Variants in CLDN16 observed in about 807,000 individuals in gnomAD.
CLDN16 encodes the protein claudin 16.
Under a neutral mutation model 24.6 loss-of-function variants are expected in CLDN16, and 13 were observed. The ratio of observed to expected loss-of-function variants is 0.53; its 90% confidence interval spans 0.34 to 0.84. CLDN16 has a LOEUF of 0.84. Among genes scored for constraint, CLDN16 ranks in the 40% least tolerant of loss-of-function variants. The probability of loss-of-function intolerance (pLI) is 0.01; values close to 1 mark genes in which losing one functional copy is unlikely to be tolerated. For synonymous variants in CLDN16, 116 were observed against 106.7 expected (o/e 1.09, Z -0.54); for missense variants, 298 against 292.7 (o/e 1.02, Z -0.13).
chr3:190,405,649 A>G (rs1024647492), intron 3 of CLDN16, among the ~76,000 whole-genome samples: 2 of 152,126 alleles, frequency 1.3e-5, no homozygotes, highest in Non-Finnish European at 2.9e-5. Context: ...CAATTGTGCC[A>G]AGTCCTATGT....
intron 3 of CLDN16, among the ~76,000 whole-genome samples, chr3:190,375,306 C>A (rs1409149127): frequency 2.0e-5 from 3 of 151,778 alleles, no homozygotes; most frequent in Admixed American, 6.6e-5. Flanking sequence ...TTTTGTTTTC[C>A]AACTTGGTAT....
chr3:190,333,243 C>T (rs996999316), intron 1 of CLDN16, among the ~76,000 whole-genome samples: 1 of 151,922 alleles, frequency 6.6e-6, no homozygotes, highest in Non-Finnish European at 1.5e-5. Context: ...TGAAATAGAC[C>T]TCAGGTTTAG....
chr3:190,361,373 T>TGTA (rs1455968998), intron 1 of CLDN16, among the ~76,000 whole-genome samples: 1 of 152,022 alleles, frequency 6.6e-6, no homozygotes, highest in African/African-American at 2.4e-5. Flanking sequence ...GCCTTTAACC[T>TGTA]GTAAGCTGTT....
Position 190,402,450 on chromosome 3 carries a change from C to T in CLDN16, c.217+11C>T. On this transcript the variant is annotated intron_variant, in intron 2 of 4. Transcript: ENST00000264734. ...TTGCGGAGCATCCCTGTACGTATGCCTTAGAGCTCACTGCTTGCCAGGAAG... is the reference window on the plus strand; with the variant it reads ...TTGCGGAGCATCCCTGTACGTATGCTTTAGAGCTCACTGCTTGCCAGGAAG... 1.3e-6 allele frequency: 2 copies of T among 1,586,434 alleles called. No homozygotes were observed. The highest frequency in any genetic ancestry group is 1.7e-6 in the Non-Finnish European group (2 of 1,154,924).
At chr3:190,290,868 A>T in the CLDN16 span, among the ~76,000 whole-genome samples, 1 of 152,218 alleles carries the variant, frequency 6.6e-6, no homozygotes, top group Admixed American at 6.5e-5. Flanking sequence ...TATAGCAGTA[A>T]ATGAAAACAA....
intron 2 of CLDN16, among the ~76,000 whole-genome samples, chr3:190,372,629 G>A (rs1267819752): frequency 1.3e-5 from 2 of 151,960 alleles, no homozygotes; most frequent in East Asian, 3.9e-4. Flanking sequence ...TGGTGAAAGA[G>A]CAAGACTAGG....
chr3:190,395,865 C>T (rs1718806879), intron 1 of CLDN16, among the ~76,000 whole-genome samples: 1 of 149,516 alleles, frequency 6.7e-6, no homozygotes, highest in Admixed American at 6.7e-5. Context: ...TGTATATTTA[C>T]TCTCTCTCTC....
chr3:190,382,195 T>G (rs186068692), intron 3 of CLDN16, among the ~76,000 whole-genome samples: 3 of 152,238 alleles, frequency 2.0e-5, no homozygotes, highest in Admixed American at 2.0e-4. Flanking sequence ...GGGAGTAGAA[T>G]GTTAACCTTT....
intron 3 of CLDN16, among the ~76,000 whole-genome samples, chr3:190,382,172 C>G (rs1048699822): frequency 6.6e-6 from 1 of 152,002 alleles, no homozygotes; most frequent in Non-Finnish European, 1.5e-5. Flanking sequence ...CATGAGTTGC[C>G]TACTAACTCA....
At chr3:190,313,003 A>G in the CLDN16 span, 1 of 1,614,062 alleles carries the variant, frequency 6.2e-7, no homozygotes. Flanking sequence ...GAGGATGCCA[A>G]CCACCATCAA....
intron 1 of CLDN16, among the ~76,000 whole-genome samples, chr3:190,388,926 C>G (rs1160671783): frequency 6.6e-6 from 1 of 152,122 alleles, no homozygotes; most frequent in East Asian, 1.9e-4. Flanking sequence ...ACCCAATTAA[C>G]ATGCAAGAGG....
the CLDN16 span, among the ~76,000 whole-genome samples, chr3:190,299,461 ATT>A: frequency 6.6e-6 from 1 of 152,020 alleles, no homozygotes; most frequent in Non-Finnish European, 1.5e-5. Context: ...GTATGTAACT[ATT>A]TTTTAAGGTT....
intron 3 of CLDN16, 120 bp downstream of exon 3, chr3:190,405,046 T>C (rs979597623): frequency 2.0e-6 from 2 of 997,916 alleles, no homozygotes; most frequent in African/African-American, 1.6e-5. Context: ...CCTTTCTAGA[T>C]TGAAAAACTA....
rs776943777 is a variant in CLDN16 at position 190,388,197 on chromosome 3, C to T, written c.-133C>T. The T allele has an allele frequency of 2.3e-5, 37 of 1,613,798 alleles. No homozygotes were observed. Among genetic ancestry groups the T allele is most frequent in the Admixed American group, 8.3e-5 (5 of 59,982 alleles). ...GCAACTCAAGACACCTGCAGCAGGG[C>T]GTGAGAAAAAGTAAAAGACCAGTAT... On this transcript the variant is annotated 5_prime_UTR_variant, in exon 1 of 5. Transcript: ENST00000264734.
chr3:190,336,452 A>G lies in CLDN16; in HGVS notation n.121+13791A>G, dbSNP rs75484238. 3.0e-3 allele frequency among the ~76,000 whole-genome samples: 454 copies of G among 152,330 alleles called. 5 individuals are homozygous for G. Among genetic ancestry groups the G allele is most frequent in the African/African-American group, 0.01 (422 of 41,578 alleles). Reference sequence around the variant, plus strand: ...AGGGCAAAGTTATGGCATCTTTTGTATACTACCATTAAAAAAGAAGTAAAA... The same window carrying G: ...AGGGCAAAGTTATGGCATCTTTTGTGTACTACCATTAAAAAAGAAGTAAAA... On this transcript the variant is annotated intron_variant and non_coding_transcript_variant, in intron 1 of 4. Transcript: ENST00000468220.
At position 190,410,179 on chromosome 3, in the gene CLDN16, C is replaced by A. The variant is rs1719240224; in HGVS notation, c.*143C>A. 2.1e-6 allele frequency: 2 copies of A among 965,836 alleles called. No individual in the cohort carries two copies. The highest frequency in any genetic ancestry group is 1.6e-6 in the Non-Finnish European group (1 of 621,118). 59.8% of individuals were successfully genotyped at this position (965,836 alleles called of 1,614,324 possible). A position where few individuals can be genotyped will look rare whatever the true frequency, so the allele number is the denominator to read the frequency against. ...GCTAGCTTAATCAAAATGTTTGATT[C>A]TCCTATACTTTTTCTTTCTATTACT... is the stretch of plus-strand genomic sequence containing the variant. On this transcript the variant is annotated 3_prime_UTR_variant, in exon 5 of 5. Coordinates refer to ENST00000264734, the MANE Select transcript of CLDN16 (RefSeq NM_006580.4).
At position 190,359,517 on chromosome 3, in the gene CLDN16, C is replaced by T. The variant is rs543471683; in HGVS notation, n.122-11376C>T. On this transcript the variant is annotated intron_variant and non_coding_transcript_variant, in intron 1 of 4. Coordinates refer to the CLDN16 transcript ENST00000468220. ...GCTTCATTTTTTGATGTTTCTTATC[C>T]TGCTTTGTAAAAAACTGTATCTTTA... 1.5e-4 allele frequency among the ~76,000 whole-genome samples: 23 copies of T among 152,076 alleles called. No homozygotes were observed. The South Asian group carries it at 2.9e-3, about 19-fold the overall frequency.
At chr3:190,326,840 T>G (rs1272795974) in intron 1 of CLDN16, among the ~76,000 whole-genome samples, 1 of 152,222 alleles carries the variant, frequency 6.6e-6, no homozygotes, top group Non-Finnish European at 1.5e-5. Flanking sequence ...AACAAGGTGC[T>G]GAATGACTGT....
At chr3:190,343,679 T>C (rs754005077) in intron 1 of CLDN16, among the ~76,000 whole-genome samples, 5 of 152,134 alleles carry the variant, frequency 3.3e-5, no homozygotes, top group South Asian at 4.1e-4. Context: ...AAGGGCATTA[T>C]GCTACGTGAA....
Sources: gnomAD v4.1 joint callset for allele counts (sites outside exome capture counted in the v4.1 genomes callset) on GRCh38, gnomAD v4.1.1 for gene constraint, MANE v1.5 for transcripts, NCBI Gene and HGNC (gene_info 2026-07-23, HGNC 2026-07-21) for gene names.